Variants in PREX1 observed in about 807,000 individuals in gnomAD.
PREX1 encodes the protein phosphatidylinositol 3,4,5-trisphosphate-dependent Rac exchanger 1 protein.
In PREX1, 41 loss-of-function variants were observed where a neutral mutation model predicts 198.3. That is an observed-to-expected ratio of 0.21 (90% CI 0.16 to 0.27). The LOEUF (loss-of-function observed/expected upper bound fraction) is 0.27, where lower values mean the gene tolerates loss of function less well. Among genes scored for constraint, PREX1 ranks in the 10% least tolerant of loss-of-function variants. The probability of loss-of-function intolerance (pLI) is 1.00; values close to 1 mark genes in which losing one functional copy is unlikely to be tolerated. For synonymous variants in PREX1, 843 were observed against 887.2 expected (o/e 0.95, Z 0.89); for missense variants, 1,620 against 2,200.7 (o/e 0.74, Z 5.28).
intron 2 of PREX1, among the ~76,000 whole-genome samples, chr20:48,746,237 G>A (rs1447601356): frequency 6.6e-6 from 1 of 152,126 alleles, no homozygotes; most frequent in African/African-American, 2.4e-5. Context: ...TGCCCAGGCT[G>A]GTTTCGAACT....
the PREX1 span, among the ~76,000 whole-genome samples, chr20:48,874,391 G>A: frequency 6.7e-6 from 1 of 149,624 alleles, no homozygotes; most frequent in Non-Finnish European, 1.5e-5. Flanking sequence ...GTGTGTGTGT[G>A]TGTGTGTGTG....
intron 1 of PREX1, among the ~76,000 whole-genome samples, chr20:48,825,225 G>A (rs993896365): frequency 1.3e-5 from 2 of 152,142 alleles, no homozygotes; most frequent in Non-Finnish European, 2.9e-5. Context: ...CACAAACAAC[G>A]TATGGCTGGT....
At chr20:48,664,387 AAGAG>A (rs1267106526) in intron 15 of PREX1, among the ~76,000 whole-genome samples, 4 of 151,550 alleles carry the variant, frequency 2.6e-5, no homozygotes, top group African/African-American at 9.7e-5. Context: ...AAAAAAAAAA[AAGAG>A]AGAGAATCCG....
chr20:48,789,501 G>A (rs1353184443), intron 1 of PREX1, among the ~76,000 whole-genome samples: 5 of 152,148 alleles, frequency 3.3e-5, no homozygotes, highest in African/African-American at 7.2e-5. Context: ...TAGTCTCCCC[G>A]TGCTATAGAT....
intron 1 of PREX1, among the ~76,000 whole-genome samples, chr20:48,824,529 T>A (rs1237571957): frequency 6.6e-6 from 1 of 152,228 alleles, no homozygotes; most frequent in Non-Finnish European, 1.5e-5. Flanking sequence ...ATTATTTAAT[T>A]TTCCTACAAC....
chr20:48,690,937 T>A lies in PREX1; in HGVS notation c.1186+10A>T, dbSNP rs765174918. ...GGATCCCAGGCGAGCACCCCAAAGCTGCTGCTCACTCTCGCGCTGCTCCCG... is the reference window on the plus strand; with the variant it reads ...GGATCCCAGGCGAGCACCCCAAAGCAGCTGCTCACTCTCGCGCTGCTCCCG... On this transcript the variant is annotated intron_variant, in intron 9 of 39. Coordinates refer to ENST00000371941, the MANE Select transcript of PREX1 (RefSeq NM_020820.4). 3 of 1,613,578 alleles carry A rather than the reference T, an allele frequency of 1.9e-6. No homozygotes were observed. The highest frequency in any genetic ancestry group is 1.7e-6 in the Non-Finnish European group (2 of 1,180,018).
At chr20:48,757,849 A>G (rs1340021362) in intron 1 of PREX1, among the ~76,000 whole-genome samples, 2 of 152,226 alleles carry the variant, frequency 1.3e-5, no homozygotes, top group Non-Finnish European at 2.9e-5. Context: ...AAATACGTGC[A>G]TTGGCTCCAA....
At chr20:48,728,108 A>T (rs1208092167) in intron 4 of PREX1, among the ~76,000 whole-genome samples, 1 of 152,218 alleles carries the variant, frequency 6.6e-6, no homozygotes, top group East Asian at 1.9e-4. Context: ...GACTCTTGGG[A>T]AAAGGGATTC....
At chr20:48,678,935 G>A (rs552681059) in intron 13 of PREX1, among the ~76,000 whole-genome samples, 140 of 152,320 alleles carry the variant, frequency 9.2e-4, no homozygotes, top group Non-Finnish European at 1.0e-3. Flanking sequence ...CCTGTGATAT[G>A]GAGGCGTTTG....
At position 48,700,813 on chromosome 20, in the gene PREX1, A is replaced by C; in HGVS notation, c.857T>G (p.Ile286Ser). ...GAAGAGGAAGAAGGCCCTTTCCTGG[A>C]TGTTGCCCGCAGAGATCTTTAACAA... The part of the protein sequence containing the change: ...GTLLKISAGN[I>S]QERAFFLFDN... The change falls in exon 7 of 40, where the codon ATC (isoleucine) becomes AGC (serine). Residue 286 changes from isoleucine (I) to serine (S), a missense_variant. Transcript: ENST00000371941. 6.2e-7 allele frequency: 1 copy of C among 1,614,078 alleles called. No individual in the cohort carries two copies. Among genetic ancestry groups the C allele is most frequent in the Non-Finnish European group, 8.5e-7 (1 of 1,180,012 alleles).
chr20:48,855,746 A>G, the PREX1 span, among the ~76,000 whole-genome samples: 1 of 152,142 alleles, frequency 6.6e-6, no homozygotes. Context: ...TAAACCTACA[A>G]AATTAGCCGG....
intron 7 of PREX1, among the ~76,000 whole-genome samples, chr20:48,695,647 T>C (rs867929572): frequency 3.9e-5 from 6 of 152,258 alleles, no homozygotes; most frequent in African/African-American, 7.2e-5. Context: ...ATTTAATTTG[T>C]AGTTCCCTGA....
chr20:48,750,276 C>T (rs2090128426), intron 1 of PREX1, among the ~76,000 whole-genome samples: 2 of 152,166 alleles, frequency 1.3e-5, no homozygotes, highest in African/African-American at 4.8e-5. Flanking sequence ...CTAACACAGC[C>T]ATTTCCCTCC....
the PREX1 span, among the ~76,000 whole-genome samples, chr20:48,861,041 A>G: frequency 6.6e-6 from 1 of 152,136 alleles, no homozygotes; most frequent in Non-Finnish European, 1.5e-5. Flanking sequence ...GGGCCCAGAA[A>G]GAGATCTCAC....
At chr20:48,883,450 A>G in the PREX1 span, among the ~76,000 whole-genome samples, 1 of 152,104 alleles carries the variant, frequency 6.6e-6, no homozygotes, top group East Asian at 1.9e-4. Flanking sequence ...AGGAAGACAT[A>G]AAATTTTATT....
intron 22 of PREX1, 92 bp from the exon 23 acceptor site, chr20:48,651,147 AC>A (rs999305856): frequency 2.1e-5 from 31 of 1,464,678 alleles, no homozygotes; most frequent in Non-Finnish European, 2.3e-5. Flanking sequence ...TACTCGTAAT[AC>A]CCCCCGGGAA....
At chr20:48,809,429 C>G (rs753076182) in intron 1 of PREX1, among the ~76,000 whole-genome samples, 1 of 152,226 alleles carries the variant, frequency 6.6e-6, no homozygotes, top group Non-Finnish European at 1.5e-5. Flanking sequence ...ACTCCTCCCC[C>G]ACTACCATGT....
At chr20:48,825,769 C>G (rs1005701566) in intron 1 of PREX1, among the ~76,000 whole-genome samples, 3 of 151,478 alleles carry the variant, frequency 2.0e-5, no homozygotes, top group Admixed American at 2.0e-4. Context: ...GTCAGGAGTT[C>G]CCTAGAATTT....
chr20:48,672,133 C>A lies in PREX1; in HGVS notation c.1665+4060G>T, dbSNP rs184885537. Reference sequence around the variant, plus strand: ...ACACTGGAAGTGGCTTTTACTGGTTCCTCCTCCTCCAGTCTCTAAATGCTG... The same window carrying A: ...ACACTGGAAGTGGCTTTTACTGGTTACTCCTCCTCCAGTCTCTAAATGCTG... On this transcript the variant is annotated intron_variant, in intron 14 of 39. Coordinates refer to ENST00000371941, the MANE Select transcript of PREX1 (RefSeq NM_020820.4). Among the ~76,000 whole-genome samples the A allele has an allele frequency of 9.7e-4, 147 of 152,326 alleles. 1 individual carries two copies. The highest frequency in any genetic ancestry group is 3.4e-3 in the African/African-American group (141 of 41,586).
Sources: gnomAD v4.1 joint callset for allele counts (sites outside exome capture counted in the v4.1 genomes callset) on GRCh38, gnomAD v4.1.1 for gene constraint, MANE v1.5 for transcripts, NCBI Gene and HGNC (gene_info 2026-07-23, HGNC 2026-07-21) for gene names.